The following ZNF148 variants were observed in gnomAD, a reference collection of about 807,000 sequenced individuals.
ZNF148 encodes the protein Beta-Enolase Repressor Factor-1.
ZNF148 carries 7 observed loss-of-function variants against 67.7 expected under a neutral mutation model. That is an observed-to-expected ratio of 0.10 (90% CI 0.06 to 0.19). The LOEUF (loss-of-function observed/expected upper bound fraction) is 0.19. ZNF148 is among the 10% of genes least tolerant of loss of function. The probability of loss-of-function intolerance (pLI) is 1.00; values close to 1 mark genes in which losing one functional copy is unlikely to be tolerated. For missense variants in ZNF148, 583 were observed against 947.1 expected, an observed-to-expected ratio of 0.62 and a Z score of 5.05; for synonymous variants, 333 against 330.7, an observed-to-expected ratio of 1.01 and a Z score of -0.08.
Position 125,285,663 on chromosome 3 carries a change from G to A in ZNF148, c.459+2440C>T, listed in dbSNP as rs1938618708. Among the ~76,000 whole-genome samples, 3 of 152,134 alleles carry A rather than the reference G, an allele frequency of 2.0e-5. No homozygotes were observed. The South Asian group carries it at 6.2e-4, about 32-fold the overall frequency. On this transcript the variant is annotated intron_variant, in intron 5 of 8. Transcript: ENST00000360647. ...TCCGTCTCAGCCTCCCAAAGTGCTAGGATTACAAGTGTGAGCCACTGTACC... is the reference window on the plus strand; with the variant it reads ...TCCGTCTCAGCCTCCCAAAGTGCTAAGATTACAAGTGTGAGCCACTGTACC...
At chr3:125,235,748 C>T (rs1936056322) in intron 7 of ZNF148, among the ~76,000 whole-genome samples, 5 of 151,972 alleles carry the variant, frequency 3.3e-5, no homozygotes, top group Admixed American at 2.6e-4. Flanking sequence ...GGCACATATA[C>T]ACCATGGAAT....
intron 2 of ZNF148, among the ~76,000 whole-genome samples, chr3:125,327,978 A>T (rs999425404): frequency 3.9e-5 from 6 of 152,084 alleles, no homozygotes; most frequent in African/African-American, 1.4e-4. Context: ...TTTTTTTTTA[A>T]GTAATATGCT....
intron 4 of ZNF148, among the ~76,000 whole-genome samples, chr3:125,297,231 AAG>A (rs774129913): frequency 6.1e-4 from 93 of 152,268 alleles, no homozygotes; most frequent in Non-Finnish European, 1.2e-3. Context: ...AAGTTTGAGA[AAG>A]AAACCAGAAC....
intron 4 of ZNF148, 59 bp from the exon 5 acceptor site, chr3:125,288,287 G>A: frequency 6.5e-7 from 1 of 1,530,518 alleles, no homozygotes; most frequent in Non-Finnish European, 8.8e-7. Flanking sequence ...TGTGACAAAA[G>A]GCCATTTTAT....
intron 1 of ZNF148, among the ~76,000 whole-genome samples, chr3:125,355,988 A>G (rs2107769595): frequency 6.6e-6 from 1 of 152,308 alleles, no homozygotes; most frequent in East Asian, 1.9e-4. Flanking sequence ...GGAGGCTAAA[A>G]GTGCTCAAGT....
intron 1 of ZNF148, among the ~76,000 whole-genome samples, chr3:125,362,542 C>T (rs895899512): frequency 4.7e-5 from 7 of 148,626 alleles, no homozygotes; most frequent in African/African-American, 1.7e-4. Flanking sequence ...AGTCCTTACC[C>T]TTTTTTTGTT....
intron 1 of ZNF148, chr3:125,344,543 T>C: frequency 1.8e-6 from 2 of 1,086,996 alleles, no homozygotes; most frequent in Non-Finnish European, 2.8e-6. Context: ...TCAAATGGAC[T>C]GTCAAAATGA....
intron 7 of ZNF148, among the ~76,000 whole-genome samples, chr3:125,273,475 ATC>A (rs1237170442): frequency 6.7e-6 from 1 of 149,840 alleles, no homozygotes. Context: ...TTTTTCAAAA[ATC>A]TCTTTTTTTT....
chr3:125,372,765 G>C (rs528851352), intron 1 of ZNF148, among the ~76,000 whole-genome samples: 1 of 152,024 alleles, frequency 6.6e-6, no homozygotes, highest in East Asian at 1.9e-4. Context: ...TCAGGAGTTC[G>C]AGACCAGCCT....
At chr3:125,360,767 C>T (rs1450602382) in intron 1 of ZNF148, among the ~76,000 whole-genome samples, 2 of 149,978 alleles carry the variant, frequency 1.3e-5, no homozygotes, top group East Asian at 1.9e-4. Flanking sequence ...TCGCTTGAGA[C>T]CAGAAGTTTA....
chr3:125,296,124 C>CTT (rs777081088), intron 4 of ZNF148, among the ~76,000 whole-genome samples: 45 of 141,194 alleles, frequency 3.2e-4, no homozygotes, highest in South Asian at 1.6e-3. Flanking sequence ...TCTAAAGATT[C>CTT]TTTTTTTTTT....
intron 4 of ZNF148, among the ~76,000 whole-genome samples, chr3:125,298,572 T>C (rs1400712252): frequency 6.6e-6 from 1 of 151,984 alleles, no homozygotes; most frequent in African/African-American, 2.4e-5. Flanking sequence ...ACAAATAGCA[T>C]TATCCAATTT....
intron 7 of ZNF148, among the ~76,000 whole-genome samples, chr3:125,258,350 G>C (rs550956171): frequency 6.8e-6 from 1 of 147,596 alleles, no homozygotes; most frequent in Non-Finnish European, 1.5e-5. Context: ...GCGTGAACCC[G>C]GGAGGCAGAG....
intron 1 of ZNF148, among the ~76,000 whole-genome samples, chr3:125,373,429 G>C (rs1265332585): frequency 6.6e-6 from 1 of 151,906 alleles, no homozygotes; most frequent in African/African-American, 2.4e-5. Flanking sequence ...AATAATATCC[G>C]GGTAGTTTTT....
chr3:125,372,406 CTAAAA>C (rs1942919469), intron 1 of ZNF148, among the ~76,000 whole-genome samples: 1 of 152,104 alleles, frequency 6.6e-6, no homozygotes, highest in Non-Finnish European at 1.5e-5. Flanking sequence ...AATAAAATAA[CTAAAA>C]TAAATATCAA....
chr3:125,345,829 C>A (rs193153874), intron 1 of ZNF148, among the ~76,000 whole-genome samples: 20 of 152,090 alleles, frequency 1.3e-4, no homozygotes, highest in Non-Finnish European at 2.2e-4. Context: ...TAAAAGCCCC[C>A]CCAACTGCTG....
At chr3:125,234,390 G>T in intron 7 of ZNF148, 61 bp from the exon 8 acceptor site, 2 of 1,174,742 alleles carry the variant, frequency 1.7e-6, no homozygotes, top group Non-Finnish European at 2.4e-6. Context: ...GAATTGCTTT[G>T]CCATAAGAAT....
intron 1 of ZNF148, chr3:125,344,547 A>G: frequency 9.4e-7 from 1 of 1,065,502 alleles, no homozygotes; most frequent in Middle Eastern, 2.0e-4. Flanking sequence ...ATGGACTGTC[A>G]AAATGACTTC....
chr3:125,348,063 T>C (rs895774712), intron 1 of ZNF148, among the ~76,000 whole-genome samples: 1 of 151,358 alleles, frequency 6.6e-6, no homozygotes, highest in Non-Finnish European at 1.5e-5. Flanking sequence ...GAGACCAGCC[T>C]GGGCAACATG....
Sources: allele counts gnomAD v4.1 joint callset (sites outside exome capture counted in the v4.1 genomes callset), GRCh38; gene constraint gnomAD v4.1.1; transcripts MANE v1.5; gene names NCBI Gene and HGNC (gene_info 2026-07-23, HGNC 2026-07-21).